The following LTBP2 variants were observed in gnomAD, a reference collection of about 807,000 sequenced individuals.
LTBP2 encodes latent-transforming growth factor beta-binding protein 2.
Under a neutral mutation model 210.6 loss-of-function variants are expected in LTBP2, and 103 were observed. The observed-to-expected ratio is 0.49, with a 90% CI of 0.42 to 0.58. The LOEUF is 0.58. Ranked by LOEUF, LTBP2 falls within the 20% of genes least tolerant of loss-of-function variation. LTBP2 has a pLI of 0.00. For missense variants in LTBP2, 2,313 were observed against 2,494.5 expected (o/e 0.93, Z 1.55); for synonymous variants, 1,007 against 1,015.0 (o/e 0.99, Z 0.15).
At position 74,509,309 on chromosome 14, in the gene LTBP2, G is replaced by T; in HGVS notation, c.3332C>A (p.Thr1111Lys). The change falls in exon 22 of 36, where the codon ACG becomes AAG. Residue 1111 changes from threonine to lysine, a missense_variant. Thr to Lys is a moderately conservative substitution (Grantham distance 78, BLOSUM62 -1). Coordinates refer to ENST00000261978, the MANE Select transcript of LTBP2 (RefSeq NM_000428.3). ...GVCPSGVCTN[T>K]AGSFSCKDCD... The stretch of plus-strand genomic sequence containing the variant: ...GTCCTTGCAGGAGAAGGAGCCAGCC[G>T]TGTTGGTGCAGACTCCGGAGGGGCA... 2 of 1,613,720 alleles carry T rather than the reference G, an allele frequency of 1.2e-6. No individual in the cohort carries two copies. Among genetic ancestry groups the T allele is most frequent in the Non-Finnish European group, 1.7e-6 (2 of 1,180,000 alleles).
intron 2 of LTBP2, among the ~76,000 whole-genome samples, chr14:74,597,204 G>C (rs2088378570): frequency 6.6e-6 from 1 of 152,210 alleles, no homozygotes; most frequent in South Asian, 2.1e-4. Flanking sequence ...GGCACATCCA[G>C]GCAGAGTGAG....
At chr14:74,603,553 T>C in intron 2 of LTBP2, 82 bp downstream of exon 2, 2 of 1,450,708 alleles carry the variant, frequency 1.4e-6, no homozygotes, top group African/African-American at 1.4e-5. Context: ...GTACCTAAGC[T>C]TGACCTGCCC....
At chr14:74,588,744 C>T (rs1386473911) in intron 2 of LTBP2, among the ~76,000 whole-genome samples, 3 of 152,160 alleles carry the variant, frequency 2.0e-5, no homozygotes, top group Non-Finnish European at 2.9e-5. Flanking sequence ...TGAAGCCTCT[C>T]GACAATTCTA....
intron 15 of LTBP2, 151 bp downstream of exon 15, chr14:74,524,973 T>G (rs1299788763): frequency 2.3e-6 from 1 of 428,158 alleles, no homozygotes; most frequent in African/African-American, 2.0e-5. Context: ...AGGCCAGGGG[T>G]GCACAGCCCA....
intron 2 of LTBP2, among the ~76,000 whole-genome samples, chr14:74,588,520 C>T (rs916113583): frequency 1.3e-5 from 2 of 152,128 alleles, no homozygotes; most frequent in Non-Finnish European, 2.9e-5. Context: ...CGCACGAGGC[C>T]GCTGCCATTA....
At chr14:74,504,578 G>C (rs1467473378) in intron 30 of LTBP2, among the ~76,000 whole-genome samples, 200 bp downstream of exon 30, 1 of 152,228 alleles carries the variant, frequency 6.6e-6, no homozygotes, top group Non-Finnish European at 1.5e-5. Context: ...ACTGAGGTGA[G>C]GCTCATGTGG....
intron 8 of LTBP2, among the ~76,000 whole-genome samples, chr14:74,544,496 T>C (rs146935411): frequency 2.0e-5 from 3 of 152,198 alleles, no homozygotes; most frequent in African/African-American, 7.2e-5. Flanking sequence ...GAATAAATGG[T>C]TGTGAATGAT....
Position 74,552,221 on chromosome 14 carries a change from C to T in LTBP2, c.1365G>A (p.Gln455=). 6.2e-7 allele frequency: 1 copy of T among 1,612,148 alleles called. No individual in the cohort carries two copies. The highest frequency in any genetic ancestry group is 1.1e-5 in the South Asian group (1 of 91,024). The change falls in exon 6 of 36, where the codon CAG becomes CAA. Residue 455 remains glutamine, a synonymous_variant. Coordinates refer to ENST00000261978, the MANE Select transcript of LTBP2 (RefSeq NM_000428.3). ...PRALLEAPLK[Q]STFTLPLSNQ... ...TGGAGAGCGGCAGTGTGAAAGTGGA[C>T]TGCTTCAGTGGGGCTTCCAGCAAGG...
At chr14:74,591,578 CTCTT>C (rs1465166485) in intron 2 of LTBP2, among the ~76,000 whole-genome samples, 2 of 152,240 alleles carry the variant, frequency 1.3e-5, no homozygotes, top group Non-Finnish European at 2.9e-5. Context: ...CTCGCATCCT[CTCTT>C]GTTTTCACAA....
intron 30 of LTBP2, 107 bp downstream of exon 30, chr14:74,504,671 C>A (rs11159087): frequency 3.8e-5 from 41 of 1,070,040 alleles, no homozygotes; most frequent in African/African-American, 2.6e-4. Context: ...GTGGAGGCAA[C>A]CTGCGAGGCC....
chr14:74,537,340 GA>G (rs2087434579), intron 8 of LTBP2, among the ~76,000 whole-genome samples: 2 of 152,214 alleles, frequency 1.3e-5, no homozygotes, highest in African/African-American at 4.8e-5. Flanking sequence ...GGAACAAAAA[GA>G]GAACTCAGCT....
At position 74,499,764 on chromosome 14, in the gene LTBP2, C is replaced by G. The variant is rs1366616899; in HGVS notation, c.*1120G>C. On this transcript the variant is annotated 3_prime_UTR_variant, in exon 36 of 36. Transcript: ENST00000261978. ...TAAAAACAACAGAAGAGACCAGATG[C>G]ACATTTCTTTATTCCACCATGGTTC... 1 of 227,844 alleles carries G rather than the reference C, an allele frequency of 4.4e-6. No homozygotes were observed. The highest frequency in any genetic ancestry group is 8.7e-6 in the Non-Finnish European group (1 of 114,800). 14.1% of individuals were successfully genotyped at this position (227,844 alleles called of 1,614,324 possible).
At chr14:74,600,136 C>T (rs2088424944) in intron 2 of LTBP2, among the ~76,000 whole-genome samples, 1 of 152,206 alleles carries the variant, frequency 6.6e-6, no homozygotes, top group South Asian at 2.1e-4. Context: ...CTGGATGAAG[C>T]CATCCAGTGC....
At chr14:74,540,939 TA>T (rs1321634141) in intron 8 of LTBP2, among the ~76,000 whole-genome samples, 33 of 24,772 alleles carry the variant, frequency 1.3e-3, no homozygotes, top group Admixed American at 4.0e-3. Flanking sequence ...TATATATATA[TA>T]TATATTTTTT....
Position 74,522,507 on chromosome 14 carries a change from T to C in LTBP2, c.2659+283A>G, listed in dbSNP as rs542706975. On this transcript the variant is annotated intron_variant, in intron 16 of 35. Coordinates refer to ENST00000261978, the MANE Select transcript of LTBP2 (RefSeq NM_000428.3). The stretch of plus-strand genomic sequence containing the variant: ...ATGGCCAGTTTGAGGGGTGGGCTGA[T>C]CTCAGAGAAGAGGGCTGCCAGGCAC... Among the ~76,000 whole-genome samples the C allele has an allele frequency of 2.6e-5, 4 of 152,116 alleles. No individual in the cohort carries two copies. In the South Asian group the frequency reaches 6.2e-4, roughly 24 times the overall value.
At chr14:74,585,754 G>A (rs761794963) in intron 3 of LTBP2, 100 bp downstream of exon 3, 144 of 1,568,506 alleles carry the variant, frequency 9.2e-5, no homozygotes, top group South Asian at 1.3e-4. Context: ...AGGACTCTGC[G>A]GCCTTCTCCA....
chr14:74,543,570 C>T (rs1458915149), intron 8 of LTBP2, among the ~76,000 whole-genome samples: 4 of 151,886 alleles, frequency 2.6e-5, no homozygotes, highest in Non-Finnish European at 5.9e-5. Context: ...TCCTCCCTTC[C>T]TTCCCCACAG....
At chr14:74,603,574 G>A (rs2088479554) in intron 2 of LTBP2, 61 bp downstream of exon 2, 6 of 1,552,914 alleles carry the variant, frequency 3.9e-6, no homozygotes, top group East Asian at 4.5e-5. Flanking sequence ...TGGGAGTAGG[G>A]TGGGGAATGG....
In LTBP2 at chr14:74,502,520, G is replaced by A. The variant is rs767056577; in HGVS notation, c.5170+133C>T. ...TACTTGTCTCAAGCGAGCCGTGAACGGGGACCTCTGGCTTGGTGTGTCTTT... is the reference window on the plus strand; with the variant it reads ...TACTTGTCTCAAGCGAGCCGTGAACAGGGACCTCTGGCTTGGTGTGTCTTT... On this transcript the variant is annotated intron_variant, in intron 34 of 35. Coordinates refer to ENST00000261978, the MANE Select transcript of LTBP2 (RefSeq NM_000428.3). 1.3e-5 allele frequency: 16 copies of A among 1,253,448 alleles called. No individual in the cohort carries two copies. In the African/African-American group the frequency reaches 1.3e-4, roughly 10 times the overall value. 77.6% of individuals were successfully genotyped at this position (1,253,448 alleles called of 1,614,324 possible).
Sources: allele counts gnomAD v4.1 joint callset (sites outside exome capture counted in the v4.1 genomes callset), GRCh38; gene constraint gnomAD v4.1.1; transcripts MANE v1.5; gene names NCBI Gene and HGNC (gene_info 2026-07-23, HGNC 2026-07-21).